Variants in TMEM208 observed in about 807,000 individuals in gnomAD.
TMEM208 encodes the protein SRP-independent targeting 2 homolog.
TMEM208 carries 19 observed loss-of-function variants against 26.4 expected under a neutral mutation model. The ratio of observed to expected loss-of-function variants is 0.72; its 90% confidence interval spans 0.50 to 1.06. TMEM208 has a LOEUF of 1.06. Among genes scored for constraint, TMEM208 ranks in the 50% least tolerant of loss-of-function variants. The pLI is 0.00. For synonymous variants in TMEM208, 93 were observed against 83.1 expected, an observed-to-expected ratio of 1.12 and a Z score of -0.65; for missense variants, 183 against 219.8, an observed-to-expected ratio of 0.83 and a Z score of 1.06.
At chr16:67,228,142 T>C (rs1049269703) in intron 2 of TMEM208, 12 of 654,860 alleles carry the variant, frequency 1.8e-5, no homozygotes, top group Non-Finnish European at 1.8e-5. Context: ...GAGCTCTTCC[T>C]ACCTCCAAGT....
At chr16:67,228,676 G>C (rs776151983) in intron 4 of TMEM208, 45 bp downstream of exon 4, 1 of 1,542,278 alleles carries the variant, frequency 6.5e-7, no homozygotes, top group Non-Finnish European at 8.7e-7. Flanking sequence ...CCCCAGGGCT[G>C]GGGCCCAGAT....
rs1430851263 is a variant in TMEM208 at position 67,229,173 on chromosome 16, C to T, written c.*60C>T. On this transcript the variant is annotated 3_prime_UTR_variant, in exon 6 of 6. Transcript: ENST00000304800. ...GGTGGCTCTGTCAGGGTGCACAGCCCCTCATGCCTGGAGCAATGAGGGTCT... is the reference window on the plus strand; with the variant it reads ...GGTGGCTCTGTCAGGGTGCACAGCCTCTCATGCCTGGAGCAATGAGGGTCT... 1 of 1,510,376 alleles carries T rather than the reference C, an allele frequency of 6.6e-7. No homozygotes were observed. The highest frequency in any genetic ancestry group is 8.9e-7 in the Non-Finnish European group (1 of 1,125,000). The allele number at this position is 1,510,376 out of a possible 1,614,324, so 93.6% of individuals were successfully genotyped here.
At position 67,228,584 on chromosome 16, in the gene TMEM208, C is replaced by T; in HGVS notation, c.252C>T (p.Ala84=). The T allele has an allele frequency of 6.2e-7, 1 of 1,603,762 alleles. No homozygotes were observed. The highest frequency in any genetic ancestry group is 8.5e-7 in the Non-Finnish European group (1 of 1,173,660). ...GAGCAGCGTTCTCTGAGGATGGGGC[C>T]CTGATGGATGGTGGCATGGACCTCA... ...MARAAFSEDG[A]LMDGGMDLNM... is the part of the protein sequence containing the mutation. Residue 84 remains alanine (A), a synonymous_variant, in exon 4 of 6, where the codon GCC becomes GCT. Coordinates refer to ENST00000304800, the MANE Select transcript of TMEM208 (RefSeq NM_014187.4).
At position 67,229,028 on chromosome 16, in the gene TMEM208, T is replaced by C; in HGVS notation, c.437T>C (p.Phe146Ser). ...TGGGTGAATGTGCTGGGCCCCTGGTTCACTGCAGACAGTGGCACCCCAGCA... is the reference window on the plus strand; with the variant it reads ...TGGGTGAATGTGCTGGGCCCCTGGTCCACTGCAGACAGTGGCACCCCAGCA... ...LLWVNVLGPW[F>S]TADSGTPAPE... The change falls in exon 6 of 6, where the codon TTC (phenylalanine) becomes TCC (serine). Residue 146 changes from phenylalanine (F) to serine (S), a missense_variant. Coordinates refer to ENST00000304800, the MANE Select transcript of TMEM208 (RefSeq NM_014187.4). The C allele has an allele frequency of 6.2e-7, 1 of 1,612,882 alleles. No homozygotes were observed. The highest frequency in any genetic ancestry group is 1.3e-5 in the African/African-American group (1 of 75,014).
chr16:67,227,778 G>A (rs1426049035), intron 1 of TMEM208, 58 bp from the exon 2 acceptor site: 6 of 1,394,238 alleles, frequency 4.3e-6, no homozygotes, highest in Non-Finnish European at 5.9e-6. Flanking sequence ...TCACCAGGCT[G>A]GTGGGGAGAA....
intron 2 of TMEM208, 37 bp downstream of exon 2, chr16:67,227,968 A>G (rs751270661): frequency 3.3e-6 from 5 of 1,531,704 alleles, no homozygotes; most frequent in Non-Finnish European, 4.5e-6. Context: ...GCCCACTTAT[A>G]GTCAGTTCCC....
At chr16:67,228,262 C>T (rs191009817) in intron 2 of TMEM208, 93 bp from the exon 3 acceptor site, 3 of 1,432,128 alleles carry the variant, frequency 2.1e-6, no homozygotes, top group Non-Finnish European at 3.0e-6. Context: ...CTTGCTCCTC[C>T]CACAGCCTGG....
At chr16:67,228,945 A>G in intron 5 of TMEM208, 31 bp from the exon 6 acceptor site, 1 of 1,610,350 alleles carries the variant, frequency 6.2e-7, no homozygotes, top group South Asian at 1.1e-5. Context: ...TATTCCCTGC[A>G]TCTTGCTTCA....
In TMEM208 at chr16:67,229,172, C is replaced by T. The variant is rs537501209; in HGVS notation, c.*59C>T. 1 of 1,515,316 alleles carries T rather than the reference C, an allele frequency of 6.6e-7. No homozygotes were observed. Among genetic ancestry groups the T allele is most frequent in the Admixed American group, 2.2e-5 (1 of 45,784 alleles). 93.9% of individuals were successfully genotyped at this position (1,515,316 alleles called of 1,614,324 possible). On this transcript the variant is annotated 3_prime_UTR_variant, in exon 6 of 6. Coordinates refer to ENST00000304800, the MANE Select transcript of TMEM208 (RefSeq NM_014187.4). The stretch of plus-strand genomic sequence containing the variant: ...GGGTGGCTCTGTCAGGGTGCACAGC[C>T]CCTCATGCCTGGAGCAATGAGGGTC...
At chr16:67,227,627 C>T (rs1351385232) in intron 1 of TMEM208, 7 of 579,254 alleles carry the variant, frequency 1.2e-5, no homozygotes, top group Non-Finnish European at 1.8e-5. Flanking sequence ...GAGCAAGAGG[C>T]GATTGATCCT....
At position 67,227,871 on chromosome 16, in the gene TMEM208, G is replaced by C; in HGVS notation, c.42G>C (p.Gln14His). The change falls in exon 2 of 6, where the codon CAG (glutamine) becomes CAC (histidine). Residue 14 changes from glutamine to histidine, a missense_variant. By Grantham distance (24) the Gln-to-His change is conservative (BLOSUM62 0). Transcript: ENST00000304800. ...KGKVGTRGKK[Q>H]IFEENRETLK... ...AAGTGGGCACGAGAGGGAAGAAGCA[G>C]ATATTTGAAGAGAACAGAGAGACTC... 1 of 1,611,786 alleles carries C rather than the reference G, an allele frequency of 6.2e-7. No individual in the cohort carries two copies. The highest frequency in any genetic ancestry group is 8.5e-7 in the Non-Finnish European group (1 of 1,178,940).
intron 4 of TMEM208, 69 bp downstream of exon 4, chr16:67,228,700 C>G (rs931093286): frequency 6.5e-7 from 1 of 1,544,332 alleles, no homozygotes; most frequent in Non-Finnish European, 8.7e-7. Flanking sequence ...CCAAGAAGCA[C>G]AGCTACTTGT....
intron 1 of TMEM208, chr16:67,227,560 C>G: frequency 1.8e-6 from 1 of 557,598 alleles, no homozygotes; most frequent in Non-Finnish European, 3.2e-6. Context: ...TAGCCTAAAG[C>G]CAGACTACCA....
At chr16:67,227,739 T>A in intron 1 of TMEM208, 97 bp from the exon 2 acceptor site, 1 of 958,462 alleles carries the variant, frequency 1.0e-6, no homozygotes, top group South Asian at 1.6e-5. Context: ...TACGGGGACC[T>A]GGCTGAGTTG....
Position 67,227,169 on chromosome 16 carries a change from G to T in TMEM208, c.-50G>T, listed in dbSNP as rs189567481. 6 of 1,608,172 alleles carry T rather than the reference G, an allele frequency of 3.7e-6. No individual in the cohort carries two copies. The highest frequency in any genetic ancestry group is 4.5e-5 in the East Asian group (2 of 44,772). On this transcript the variant is annotated 5_prime_UTR_variant, in exon 1 of 6. Coordinates refer to ENST00000304800, the MANE Select transcript of TMEM208 (RefSeq NM_014187.4). Reference sequence around the variant, plus strand: ...TGCCGATGTGGTGCTTAGTGATTGCGGTTTCGGTCGCTCTCCCGTGTTTCC... The same window carrying T: ...TGCCGATGTGGTGCTTAGTGATTGCTGTTTCGGTCGCTCTCCCGTGTTTCC...
At chr16:67,227,328 C>T (rs1180580230) in intron 1 of TMEM208, 104 bp downstream of exon 1, 2 of 1,493,570 alleles carry the variant, frequency 1.3e-6, no homozygotes, top group Non-Finnish European at 1.8e-6. Flanking sequence ...TGGGCCAGAG[C>T]GGGGCGCCAT....
chr16:67,229,166 C>T lies in TMEM208; in HGVS notation c.*53C>T. On this transcript the variant is annotated 3_prime_UTR_variant, in exon 6 of 6. Transcript: ENST00000304800. ...GGCCCTGGGTGGCTCTGTCAGGGTG[C>T]ACAGCCCCTCATGCCTGGAGCAATG... The T allele has an allele frequency of 6.6e-7, 1 of 1,524,178 alleles. No individual in the cohort carries two copies. Among genetic ancestry groups the T allele is most frequent in the Non-Finnish European group, 8.8e-7 (1 of 1,133,580 alleles). The allele number at this position is 1,524,178 out of a possible 1,614,324, so 94.4% of individuals were successfully genotyped here.
At chr16:67,227,519 C>T (rs2034067190) in intron 1 of TMEM208, 1 of 560,770 alleles carries the variant, frequency 1.8e-6, no homozygotes, top group African/African-American at 1.9e-5. Context: ...CACCATTCAA[C>T]TCCGCTCAGG....
intron 1 of TMEM208, 146 bp from the exon 2 acceptor site, chr16:67,227,690 A>T (rs978557669): frequency 6.3e-6 from 4 of 636,186 alleles, no homozygotes; most frequent in African/African-American, 5.5e-5. Context: ...GGACTGGAGG[A>T]TGGGTGGACA....
Sources: allele counts gnomAD v4.1 joint callset, GRCh38; gene constraint gnomAD v4.1.1; transcripts MANE v1.5; gene names NCBI Gene and HGNC (gene_info 2026-07-23, HGNC 2026-07-21).